Variants in CHST9 observed in about 807,000 individuals in gnomAD.
CHST9 encodes carbohydrate sulfotransferase 9, also known as GalNAc-4-sulfotransferase 2.
In CHST9, 41 loss-of-function variants were observed where a neutral mutation model predicts 44.4. The ratio of observed to expected loss-of-function variants is 0.92; its 90% CI spans 0.72 to 1.20. CHST9 has a LOEUF of 1.20. Among genes scored for constraint, CHST9 ranks in the 50% most tolerant of loss-of-function variants. The pLI, the probability that CHST9 is intolerant of heterozygous loss-of-function variation, is 0.00. For missense variants in CHST9, 504 were observed against 516.5 expected (o/e 0.98, Z 0.23); for synonymous variants, 171 against 178.4 (o/e 0.96, Z 0.33).
chr18:26,974,158 A>G (rs1164513848), intron 4 of CHST9, among the ~76,000 whole-genome samples: 1 of 152,228 alleles, frequency 6.6e-6, no homozygotes, highest in Admixed American at 6.5e-5. Flanking sequence ...GGAGATGCCT[A>G]TTTCCTTCCT....
intron 5 of CHST9, among the ~76,000 whole-genome samples, chr18:26,927,722 CAGGGATGA>C (rs375577638): frequency 0.56 from 81,028 of 143,426 alleles, 21,910 homozygotes; most frequent in East Asian, 0.73. Context: ...TTCCATTGCT[CAGGGATGA>C]CAGGGATGAG....
At chr18:27,103,974 G>T (rs903536083) in intron 2 of CHST9, among the ~76,000 whole-genome samples, 20 of 152,118 alleles carry the variant, frequency 1.3e-4, no homozygotes, top group African/African-American at 4.6e-4. Context: ...AAGGGGGTGA[G>T]AATTCAACTT....
intron 1 of CHST9, among the ~76,000 whole-genome samples, chr18:27,174,539 C>T (rs1638285000): frequency 6.6e-6 from 1 of 151,974 alleles, no homozygotes; most frequent in South Asian, 2.1e-4. Context: ...CCCCCCTTTT[C>T]AATTAATAAG....
intron 2 of CHST9, among the ~76,000 whole-genome samples, chr18:27,049,286 GAGA>G (rs1379734249): frequency 1.3e-5 from 2 of 152,044 alleles, no homozygotes; most frequent in Admixed American, 6.6e-5. Context: ...TGCCAGGAAG[GAGA>G]AGAAGTCAAG....
chr18:27,104,748 G>A (rs2058206002), intron 2 of CHST9, among the ~76,000 whole-genome samples: 2 of 152,150 alleles, frequency 1.3e-5, no homozygotes. Context: ...AAGCCAGGGT[G>A]CAGTGTAATC....
chr18:27,045,906 C>G (rs545571953), intron 3 of CHST9, among the ~76,000 whole-genome samples: 2 of 152,008 alleles, frequency 1.3e-5, no homozygotes, highest in African/African-American at 4.8e-5. Flanking sequence ...ATCAGCTAGA[C>G]GCTTTACTGA....
intron 5 of CHST9, among the ~76,000 whole-genome samples, chr18:26,929,755 GGA>G (rs374078716): frequency 1.3e-5 from 2 of 151,786 alleles, no homozygotes; most frequent in East Asian, 1.9e-4. Flanking sequence ...CGGGGTAGGA[GGA>G]GAGAGAGAGA....
In CHST9 at chr18:26,915,940, C is replaced by A; in HGVS notation, c.*319G>T. The A allele has an allele frequency of 4.8e-6, 1 of 210,382 alleles. No individual in the cohort carries two copies. Among genetic ancestry groups the A allele is most frequent in the Non-Finnish European group, 9.6e-6 (1 of 103,942 alleles). The allele number at this position is 210,382 out of a possible 1,614,324, so 13.0% of individuals were successfully genotyped here. The stretch of plus-strand genomic sequence containing the variant: ...ACATACACTCATGCTATTTGAGATC[C>A]TTTTTTCCTACCATTGCAAGAGGCT... On this transcript the variant is annotated 3_prime_UTR_variant, in exon 6 of 6. Coordinates refer to ENST00000618847, the MANE Select transcript of CHST9 (RefSeq NM_031422.6).
At chr18:27,059,597 T>C (rs2057697246) in intron 2 of CHST9, among the ~76,000 whole-genome samples, 1 of 152,220 alleles carries the variant, frequency 6.6e-6, no homozygotes, top group South Asian at 2.1e-4. Context: ...GCAATTTATG[T>C]GGCTAATGAA....
chr18:27,057,116 C>T (rs1382719356), intron 2 of CHST9, among the ~76,000 whole-genome samples: 1 of 152,228 alleles, frequency 6.6e-6, no homozygotes, highest in African/African-American at 2.4e-5. Flanking sequence ...AGAGACCTCC[C>T]TGCCAGAACT....
At chr18:27,096,337 C>T (rs1374712466) in intron 2 of CHST9, among the ~76,000 whole-genome samples, 1 of 151,168 alleles carries the variant, frequency 6.6e-6, no homozygotes, top group African/African-American at 2.4e-5. Context: ...AAAAAAAGAC[C>T]TGAAATTAAT....
intron 2 of CHST9, among the ~76,000 whole-genome samples, chr18:27,131,028 T>A (rs979604382): frequency 6.6e-6 from 1 of 152,156 alleles, no homozygotes; most frequent in African/African-American, 2.4e-5. Context: ...GAAACCATCA[T>A]GTACAGAGAC....
At chr18:27,146,983 T>G (rs951450984) in intron 1 of CHST9, among the ~76,000 whole-genome samples, 1 of 152,220 alleles carries the variant, frequency 6.6e-6, no homozygotes, top group African/African-American at 2.4e-5. Context: ...TTTTGGGACT[T>G]AAGTATAGCA....
intron 1 of CHST9, among the ~76,000 whole-genome samples, chr18:27,145,435 C>T (rs2058604155): frequency 6.6e-6 from 1 of 152,230 alleles, no homozygotes; most frequent in African/African-American, 2.4e-5. Flanking sequence ...CCTCCCGCCT[C>T]AGCCTCCCAA....
intron 2 of CHST9, among the ~76,000 whole-genome samples, chr18:27,074,648 G>A (rs76611000): frequency 0.013 from 1,945 of 152,126 alleles, 29 homozygotes; most frequent in South Asian, 0.03. Flanking sequence ...TAGGGTTGCG[G>A]GGGTTTGATG....
chr18:26,969,610 G>A (rs1443869098), intron 4 of CHST9, among the ~76,000 whole-genome samples: 1 of 152,144 alleles, frequency 6.6e-6, no homozygotes, highest in Non-Finnish European at 1.5e-5. Context: ...TTCTTGCTGA[G>A]CTTACATTAG....
At chr18:26,968,545 G>T (rs2056496481) in intron 4 of CHST9, among the ~76,000 whole-genome samples, 1 of 152,110 alleles carries the variant, frequency 6.6e-6, no homozygotes. Context: ...AGATACCTGT[G>T]TGCCAAATTC....
At chr18:26,946,779 C>G (rs1466300200) in intron 4 of CHST9, among the ~76,000 whole-genome samples, 1 of 151,314 alleles carries the variant, frequency 6.6e-6, no homozygotes, top group Non-Finnish European at 1.5e-5. Flanking sequence ...ATAGGAAATC[C>G]TTTCCCCATT....
intron 4 of CHST9, among the ~76,000 whole-genome samples, chr18:26,998,739 CAAAAAA>C (rs11480705): frequency 2.6e-5 from 3 of 114,132 alleles, no homozygotes; most frequent in Non-Finnish European, 5.6e-5. Flanking sequence ...ACAACAACAA[CAAAAAA>C]AAAAAAAAAA....
Sources: gnomAD v4.1 joint callset for allele counts (sites outside exome capture counted in the v4.1 genomes callset) on GRCh38, gnomAD v4.1.1 for gene constraint, MANE v1.5 for transcripts, NCBI Gene and HGNC (gene_info 2026-07-23, HGNC 2026-07-21) for gene names.